Variants in XKR6 observed in about 807,000 individuals in gnomAD.
XKR6 encodes the protein XK-related protein 6.
In XKR6, 22 loss-of-function variants were observed where a neutral mutation model predicts 56.7. The ratio of observed to expected loss-of-function variants is 0.39; its 90% CI spans 0.28 to 0.55. The LOEUF (loss-of-function observed/expected upper bound fraction) is 0.55. XKR6 is among the 20% of genes least tolerant of loss of function. XKR6 has a pLI of 0.66. For synonymous variants in XKR6, 524 were observed against 387.8 expected, an observed-to-expected ratio of 1.35 and a Z score of -4.13; for missense variants, 852 against 889.0, an observed-to-expected ratio of 0.96 and a Z score of 0.53.
At chr8:11,098,503 G>C (rs1332598666) in intron 1 of XKR6, among the ~76,000 whole-genome samples, 3 of 152,120 alleles carry the variant, frequency 2.0e-5, no homozygotes, top group Non-Finnish European at 2.9e-5. Context: ...ATTTGGAACT[G>C]TATCTTGGTA....
intron 1 of XKR6, chr8:11,195,327 AT>A (rs1029063919): frequency 1.2e-4 from 69 of 583,288 alleles, no homozygotes; most frequent in Middle Eastern, 3.8e-4. Context: ...GTAGAGATTC[AT>A]TTTTTTTTCC....
At chr8:11,182,270 T>A (rs190635804) in intron 1 of XKR6, among the ~76,000 whole-genome samples, 1 of 152,112 alleles carries the variant, frequency 6.6e-6, no homozygotes, top group Non-Finnish European at 1.5e-5. Flanking sequence ...GATGGGGAAT[T>A]TGAAAGAGCA....
chr8:11,139,886 G>C (rs984310356), intron 1 of XKR6, among the ~76,000 whole-genome samples: 3 of 152,094 alleles, frequency 2.0e-5, no homozygotes, highest in African/African-American at 7.2e-5. Flanking sequence ...CCACAGACAA[G>C]GAAAGCACAC....
chr8:11,148,084 C>T (rs113882191), intron 1 of XKR6, among the ~76,000 whole-genome samples: 3,792 of 152,128 alleles, frequency 0.025, 70 homozygotes, highest in African/African-American at 0.046. Context: ...GTGGCATGCA[C>T]CTGTAGTCCC....
intron 1 of XKR6, chr8:11,035,190 A>C (rs751426753): frequency 5.6e-6 from 3 of 534,666 alleles, no homozygotes; most frequent in African/African-American, 1.9e-5. Flanking sequence ...CGTGGGTGCA[A>C]GCTATCTGGT....
chr8:11,134,358 A>T (rs1163266420), intron 1 of XKR6, among the ~76,000 whole-genome samples: 2 of 152,192 alleles, frequency 1.3e-5, no homozygotes, highest in Non-Finnish European at 2.9e-5. Context: ...GATTAACAAA[A>T]ATGAAAATAT....
chr8:11,037,969 G>A (rs892411134), intron 1 of XKR6, among the ~76,000 whole-genome samples: 1 of 150,314 alleles, frequency 6.7e-6, no homozygotes, highest in Non-Finnish European at 1.5e-5. Context: ...AGAGGTTGTA[G>A]TGAGCCAAGA....
intron 1 of XKR6, among the ~76,000 whole-genome samples, chr8:11,043,283 G>T (rs1277681228): frequency 6.6e-6 from 1 of 152,122 alleles, no homozygotes; most frequent in Non-Finnish European, 1.5e-5. Context: ...ATGCGAGGTG[G>T]GGTGTTGGGA....
intron 1 of XKR6, among the ~76,000 whole-genome samples, chr8:11,008,075 T>C (rs1798412523): frequency 6.6e-6 from 1 of 152,186 alleles, no homozygotes; most frequent in Non-Finnish European, 1.5e-5. Flanking sequence ...GGCAAGGCAG[T>C]GAAGGACCTC....
At chr8:10,942,882 G>T (rs1402155982) in intron 1 of XKR6, among the ~76,000 whole-genome samples, 1 of 152,224 alleles carries the variant, frequency 6.6e-6, no homozygotes, top group Non-Finnish European at 1.5e-5. Flanking sequence ...CTTGCCTGAC[G>T]CATCCTTCTG....
intron 1 of XKR6, among the ~76,000 whole-genome samples, chr8:11,119,072 T>G (rs941683482): frequency 2.5e-4 from 38 of 152,048 alleles, no homozygotes; most frequent in Non-Finnish European, 7.4e-5. Context: ...ATGTACCCAG[T>G]AGTCATTCAG....
intron 1 of XKR6, among the ~76,000 whole-genome samples, chr8:11,115,373 G>C (rs971471608): frequency 1.3e-5 from 2 of 152,166 alleles, no homozygotes; most frequent in Non-Finnish European, 2.9e-5. Context: ...TTTATTTTAA[G>C]AGTAATTCAT....
intron 1 of XKR6, among the ~76,000 whole-genome samples, chr8:11,057,469 C>A (rs1276608211): frequency 6.6e-6 from 1 of 152,208 alleles, no homozygotes; most frequent in Non-Finnish European, 1.5e-5. Flanking sequence ...GTCCAGTAGT[C>A]CCAGTGTTCT....
At chr8:10,953,856 T>C (rs558587675) in intron 1 of XKR6, among the ~76,000 whole-genome samples, 23 of 152,348 alleles carry the variant, frequency 1.5e-4, no homozygotes, top group Admixed American at 1.2e-3. Context: ...AGTGCTAGTC[T>C]ACTTTCTGTC....
rs529082103 is a variant in XKR6 at position 10,927,866 on chromosome 8, T to A, written c.765-3036A>T. Among the ~76,000 whole-genome samples, 8 of 152,204 alleles carry A rather than the reference T, an allele frequency of 5.3e-5. No individual in the cohort carries two copies. In the South Asian group the frequency reaches 1.7e-3, roughly 32 times the overall value. ...GCAGACGTTGGGGCCTAGAGGGCACTAGAGTCCAGGCAAAACCGTTTGGAC... is the reference window on the plus strand; with the variant it reads ...GCAGACGTTGGGGCCTAGAGGGCACAAGAGTCCAGGCAAAACCGTTTGGAC... On this transcript the variant is annotated intron_variant, in intron 1 of 2. Transcript: ENST00000416569.
At chr8:11,191,160 G>C (rs1354569630) in intron 1 of XKR6, among the ~76,000 whole-genome samples, 1 of 152,154 alleles carries the variant, frequency 6.6e-6, no homozygotes, top group African/African-American at 2.4e-5. Flanking sequence ...CCATTCAACA[G>C]ACCTGATAAC....
chr8:11,170,555 A>G (rs1197938230), intron 1 of XKR6, among the ~76,000 whole-genome samples: 2 of 152,236 alleles, frequency 1.3e-5, no homozygotes, highest in Non-Finnish European at 2.9e-5. Flanking sequence ...AGGGAAAATG[A>G]GAAGTGACTA....
intron 1 of XKR6, among the ~76,000 whole-genome samples, chr8:11,079,036 A>G (rs998858900): frequency 2.0e-5 from 3 of 152,262 alleles, no homozygotes; most frequent in South Asian, 2.1e-4. Context: ...CTGCAGGGCC[A>G]TAAGAACCCC....
intron 1 of XKR6, among the ~76,000 whole-genome samples, chr8:10,960,061 T>A (rs532360275): frequency 6.6e-6 from 1 of 152,268 alleles, no homozygotes; most frequent in South Asian, 2.1e-4. Context: ...CTCACCCTAA[T>A]CCTGGCCCTG....
Sources: gnomAD v4.1 joint callset for allele counts (sites outside exome capture counted in the v4.1 genomes callset) on GRCh38, gnomAD v4.1.1 for gene constraint, MANE v1.5 for transcripts, NCBI Gene and HGNC (gene_info 2026-07-23, HGNC 2026-07-21) for gene names.